STAG3: variants seen among roughly 807,000 people sequenced by gnomAD.
The protein encoded by STAG3 is STAG3 cohesin complex component.
STAG3 carries 101 observed loss-of-function variants against 160.7 expected under a neutral mutation model. That is an observed-to-expected ratio of 0.63 (90% CI 0.54 to 0.74). STAG3 has a LOEUF of 0.74. Among genes scored for constraint, STAG3 ranks in the 30% least tolerant of loss-of-function variants. The pLI, the probability that STAG3 is intolerant of heterozygous loss-of-function variation, is 0.00. For missense variants in STAG3, 1,188 were observed against 1,517.4 expected (o/e 0.78, Z 3.61); for synonymous variants, 519 against 585.0 (o/e 0.89, Z 1.63).
In STAG3 at chr7:100,213,826, G is replaced by C; in HGVS notation, c.3672+20G>C. 6.2e-7 allele frequency: 1 copy of C among 1,614,208 alleles called. No individual in the cohort carries two copies. Reference sequence around the variant, plus strand: ...ATTGAGGTGAGTGTCCCCAGAGCAGGAGTTATGTATCCTTCGGAAATGCTG... The same window carrying C: ...ATTGAGGTGAGTGTCCCCAGAGCAGCAGTTATGTATCCTTCGGAAATGCTG... On this transcript the variant is annotated intron_variant, in intron 33 of 33. Coordinates refer to ENST00000615138, the MANE Select transcript of STAG3 (RefSeq NM_001282717.2).
chr7:100,198,688 T>G, intron 13 of STAG3, 106 bp downstream of exon 13: 1 of 1,270,630 alleles, frequency 7.9e-7, no homozygotes, highest in Non-Finnish European at 1.1e-6. Flanking sequence ...AAAGTCTCCC[T>G]GGTGTCTCCT....
At chr7:100,216,805 T>C (rs983640570), downstream of STAG3, among the ~76,000 whole-genome samples, 5 of 152,190 alleles carry the variant, frequency 3.3e-5, no homozygotes, top group East Asian at 3.8e-4. Context: ...TTCTGATACT[T>C]TTAATGACCT....
chr7:100,178,730 G>A (rs1347616041), intron 1 of STAG3, among the ~76,000 whole-genome samples: 1 of 151,896 alleles, frequency 6.6e-6, no homozygotes, highest in Non-Finnish European at 1.5e-5. Flanking sequence ...CCACGCCTCG[G>A]CTTTTGGAGA....
At position 100,188,797 on chromosome 7, in the gene STAG3, T is replaced by C. The variant is rs375033669; in HGVS notation, c.511-15T>C. ...GGTAATAACTTTCCCATCCTTTTCA[T>C]ACATCCTTTTGTAGGACTCGGGGGA... On this transcript the variant is annotated splice_polypyrimidine_tract_variant and intron_variant, in intron 6 of 33. Transcript: ENST00000615138. The C allele has an allele frequency of 1.7e-5, 28 of 1,613,792 alleles. No individual in the cohort carries two copies. The highest frequency in any genetic ancestry group is 2.2e-5 in the Non-Finnish European group (26 of 1,179,822).
rs980933139 is a variant in STAG3, at chr7:100,199,564, A to G, written c.1597A>G (p.Thr533Ala). 1.2e-6 allele frequency: 2 copies of G among 1,604,980 alleles called. No individual in the cohort carries two copies. Among genetic ancestry groups the G allele is most frequent in the Non-Finnish European group, 8.5e-7 (1 of 1,175,914 alleles). The change falls in exon 16 of 34, where the codon ACA (threonine) becomes GCA (alanine). Residue 533 changes from threonine (T) to alanine (A), a missense_variant. Coordinates refer to ENST00000615138, the MANE Select transcript of STAG3 (RefSeq NM_001282717.2). ...AGACCTGGGTGATGTGCAGGAGAGCACACTGATAGAAATCCTTGTGTCCAG... is the reference window on the plus strand; with the variant it reads ...AGACCTGGGTGATGTGCAGGAGAGCGCACTGATAGAAATCCTTGTGTCCAG... ...DQNLGDVQES[T>A]LIEILVSSAR...
intron 19 of STAG3, 30 bp downstream of exon 19, chr7:100,200,999 C>A (rs749407201): frequency 6.2e-7 from 1 of 1,614,012 alleles, no homozygotes. Flanking sequence ...AATGGGACAC[C>A]CCAAACAAGG....
At position 100,209,526 on chromosome 7, in the gene STAG3, T is replaced by C. The variant is rs560908436; in HGVS notation, c.3239-1485T>C. 5.3e-5 allele frequency among the ~76,000 whole-genome samples: 8 copies of C among 152,172 alleles called. No individual in the cohort carries two copies. In the East Asian group the frequency reaches 9.6e-4, roughly 18 times the overall value. ...TACTCTGAGTGCAGTAGGAAAACCATTGGAGGATTTTGAGGAACGACAGGA... is the reference window on the plus strand; with the variant it reads ...TACTCTGAGTGCAGTAGGAAAACCACTGGAGGATTTTGAGGAACGACAGGA... On this transcript the variant is annotated intron_variant, in intron 29 of 33. Transcript: ENST00000615138.
At chr7:100,200,359 C>T in intron 17 of STAG3, 31 bp downstream of exon 17, 1 of 1,612,988 alleles carries the variant, frequency 6.2e-7, no homozygotes, top group Non-Finnish European at 8.5e-7. Flanking sequence ...TGCATCACAC[C>T]AAGAGAAGTG....
intron 17 of STAG3, 52 bp downstream of exon 17, chr7:100,200,380 G>A: frequency 1.2e-6 from 2 of 1,612,738 alleles, no homozygotes; most frequent in Non-Finnish European, 1.7e-6. Context: ...AAAGGAAATG[G>A]CCTCTGTGGG....
chr7:100,201,293 A>G lies in STAG3; in HGVS notation c.2162A>G (p.Tyr721Cys), dbSNP rs939945898. 8.7e-6 allele frequency: 14 copies of G among 1,614,048 alleles called. No individual in the cohort carries two copies. The highest frequency in any genetic ancestry group is 1.1e-5 in the Non-Finnish European group (13 of 1,179,998). ...NTHDLTRWELYEPCCQLLQKA... is the reference protein window; with the variant it reads ...NTHDLTRWELCEPCCQLLQKA... ...CATGACCTGACTCGCTGGGAGCTCT[A>G]TGAGCCATGTTGCCAACTCCTGCAG... Residue 721 changes from tyrosine (Y) to cysteine (C), a missense_variant, in exon 21 of 34, where the codon TAT becomes TGT. This residue lies in a region of STAG3 where 647 missense variants were observed against 717.2 expected (regional missense o/e 0.90). Coordinates refer to ENST00000615138, the MANE Select transcript of STAG3 (RefSeq NM_001282717.2).
intron 8 of STAG3, 112 bp from the exon 9 acceptor site, chr7:100,195,197 A>G: frequency 1.1e-6 from 1 of 914,184 alleles, no homozygotes. Flanking sequence ...GGGGGTTCAC[A>G]CTATCCTATA....
chr7:100,209,169 A>G (rs1026821603), intron 29 of STAG3, among the ~76,000 whole-genome samples: 3 of 152,214 alleles, frequency 2.0e-5, no homozygotes, highest in African/African-American at 7.2e-5. Context: ...TGACTGGTTA[A>G]GCTGAAGTTT....
chr7:100,199,400 T>C, intron 15 of STAG3, 33 bp downstream of exon 15: 3 of 1,592,802 alleles, frequency 1.9e-6, no homozygotes, highest in South Asian at 2.2e-5. Context: ...GACAGGGACC[T>C]TCCACCCCCT....
rs368162934 is a variant in STAG3, at chr7:100,214,033, C to G, written c.*18C>G. ...ATTTCTGACAGGACTCTGGGCCCCTCCCCAGCTCCACTCCCTACCTCAAGA... is the reference window on the plus strand; with the variant it reads ...ATTTCTGACAGGACTCTGGGCCCCTGCCCAGCTCCACTCCCTACCTCAAGA... On this transcript the variant is annotated 3_prime_UTR_variant, in exon 34 of 34. Coordinates refer to ENST00000615138, the MANE Select transcript of STAG3 (RefSeq NM_001282717.2). The G allele has an allele frequency of 6.2e-7, 1 of 1,613,940 alleles. No individual in the cohort carries two copies. The highest frequency in any genetic ancestry group is 8.5e-7 in the Non-Finnish European group (1 of 1,179,852).
intron 10 of STAG3, 170 bp downstream of exon 10, chr7:100,197,449 G>A (rs1178435250): frequency 8.5e-6 from 8 of 945,520 alleles, no homozygotes; most frequent in Non-Finnish European, 1.4e-5. Context: ...GTAGGATAAG[G>A]TAGAGAGAGA....
At chr7:100,204,498 G>T in intron 26 of STAG3, 129 bp from the exon 27 acceptor site, 1 of 1,167,344 alleles carries the variant, frequency 8.6e-7, no homozygotes, top group Non-Finnish European at 1.2e-6. Flanking sequence ...CTAGAAGGAA[G>T]GAAAGAGTAA....
At chr7:100,203,715 C>T (rs1373012417) in intron 25 of STAG3, among the ~76,000 whole-genome samples, 1 of 151,824 alleles carries the variant, frequency 6.6e-6, no homozygotes, top group East Asian at 1.9e-4. Flanking sequence ...GGGGTTTCAC[C>T]GTATTAGCCA....
downstream of STAG3, chr7:100,214,840 TA>T (rs1243108367): frequency 6.6e-6 from 1 of 152,182 alleles, no homozygotes; most frequent in Admixed American, 6.5e-5. Context: ...TGTCCAACCC[TA>T]AAATCCAAGT....
At chr7:100,202,104 T>C (rs942560694) in intron 23 of STAG3, 63 bp downstream of exon 23, 1 of 1,609,940 alleles carries the variant, frequency 6.2e-7, no homozygotes, top group Admixed American at 1.7e-5. Context: ...CAAGGAGAAA[T>C]TGACAGTGTC....
Sources: allele counts gnomAD v4.1 joint callset (sites outside exome capture counted in the v4.1 genomes callset), GRCh38; gene constraint gnomAD v4.1.1; regional missense constraint gnomAD v4.1.1; transcripts MANE v1.5; gene names NCBI Gene and HGNC (gene_info 2026-07-23, HGNC 2026-07-21).